SGCZ: variants seen among roughly 807,000 people sequenced by gnomAD.
SGCZ encodes the protein zeta-sarcoglycan.
In SGCZ, 40 loss-of-function variants were observed where a neutral mutation model predicts 41.3. That is an observed-to-expected ratio of 0.97 (90% confidence interval 0.75 to 1.26). The LOEUF is 1.26. Among genes scored for constraint, SGCZ ranks in the 50% most tolerant of loss-of-function variants. SGCZ has a pLI of 0.00. For missense variants in SGCZ, 552 were observed against 369.8 expected, an observed-to-expected ratio of 1.49 and a Z score of -4.04; for synonymous variants, 206 against 137.5, an observed-to-expected ratio of 1.50 and a Z score of -3.49.
intron 1 of SGCZ, among the ~76,000 whole-genome samples, chr8:14,614,476 C>A (rs992116372): frequency 1.3e-5 from 2 of 152,090 alleles, no homozygotes; most frequent in Non-Finnish European, 2.9e-5. Flanking sequence ...CTATTTATCT[C>A]TATATCATTT....
chr8:15,103,919 G>T (rs1413710136), intron 1 of SGCZ, among the ~76,000 whole-genome samples: 1 of 152,168 alleles, frequency 6.6e-6, no homozygotes, highest in South Asian at 2.1e-4. Context: ...ATGAAGTGTT[G>T]ATTAGTGGAA....
chr8:14,890,203 C>T (rs1430556247), intron 1 of SGCZ, among the ~76,000 whole-genome samples: 1 of 140,606 alleles, frequency 7.1e-6, no homozygotes. Flanking sequence ...GGCGACAGAA[C>T]AAGACTCCAT....
At chr8:14,349,739 A>G (rs1803019541) in intron 2 of SGCZ, among the ~76,000 whole-genome samples, 1 of 152,170 alleles carries the variant, frequency 6.6e-6, no homozygotes, top group Admixed American at 6.6e-5. Flanking sequence ...TGAAATTGTA[A>G]GACTTAATTC....
At chr8:14,606,702 A>C (rs564568250) in intron 1 of SGCZ, among the ~76,000 whole-genome samples, 7 of 152,342 alleles carry the variant, frequency 4.6e-5, no homozygotes, top group African/African-American at 1.4e-4. Flanking sequence ...TTTGTTCACC[A>C]CAGTACATGA....
At chr8:14,975,846 A>C (rs2130871520) in intron 1 of SGCZ, among the ~76,000 whole-genome samples, 1 of 145,646 alleles carries the variant, frequency 6.9e-6, no homozygotes, top group Non-Finnish European at 1.5e-5. Flanking sequence ...TGAACTACTT[A>C]TCAGGCTTTA....
intron 3 of SGCZ, among the ~76,000 whole-genome samples, chr8:14,246,250 T>C (rs1380150259): frequency 6.6e-6 from 1 of 152,124 alleles, no homozygotes; most frequent in Non-Finnish European, 1.5e-5. Flanking sequence ...ATAGACACCA[T>C]GGAATACTAT....
At chr8:14,339,935 A>G in intron 2 of SGCZ, among the ~76,000 whole-genome samples, 1 of 152,284 alleles carries the variant, frequency 6.6e-6, no homozygotes, top group South Asian at 2.1e-4. Flanking sequence ...AAAATATAAA[A>G]AATGAAATGA....
chr8:14,181,510 T>A (rs1236180228), intron 4 of SGCZ, among the ~76,000 whole-genome samples: 1 of 152,172 alleles, frequency 6.6e-6, no homozygotes, highest in Non-Finnish European at 1.5e-5. Context: ...GCGTTACCTG[T>A]TGATATGGTT....
chr8:14,646,379 A>AT (rs139807957), intron 1 of SGCZ, among the ~76,000 whole-genome samples: 12 of 151,752 alleles, frequency 7.9e-5, no homozygotes, highest in East Asian at 1.9e-4. Context: ...AATGGGTGTG[A>AT]TTTTTTTCTT....
At chr8:14,231,217 AAGAGAGAGAGAGAC>A (rs1313352136) in intron 4 of SGCZ, among the ~76,000 whole-genome samples, 1 of 73,140 alleles carries the variant, frequency 1.4e-5, no homozygotes, top group Non-Finnish European at 3.0e-5. Flanking sequence ...GAGAGGGGGA[AAGAGAGAGAGAGAC>A]AGAGAGAGAG....
At chr8:14,286,365 G>A (rs1437447784) in intron 3 of SGCZ, among the ~76,000 whole-genome samples, 1 of 152,046 alleles carries the variant, frequency 6.6e-6, no homozygotes, top group East Asian at 1.9e-4. Flanking sequence ...TTCATTCTCT[G>A]ACCTCCAATT....
intron 1 of SGCZ, among the ~76,000 whole-genome samples, chr8:15,187,187 G>C (rs929962765): frequency 6.6e-6 from 1 of 152,002 alleles, no homozygotes; most frequent in Admixed American, 6.6e-5. Flanking sequence ...GCCACTTATG[G>C]TAATTGTACA....
chr8:15,209,666 C>G (rs1801178914), intron 1 of SGCZ, among the ~76,000 whole-genome samples: 1 of 152,048 alleles, frequency 6.6e-6, no homozygotes, highest in South Asian at 2.1e-4. Flanking sequence ...TTGCTCAACA[C>G]CACATAGATA....
chr8:14,477,120 A>G (rs1190735872), intron 2 of SGCZ, among the ~76,000 whole-genome samples: 1 of 152,138 alleles, frequency 6.6e-6, no homozygotes, highest in African/African-American at 2.4e-5. Flanking sequence ...AATTCACTCT[A>G]TGTGTCTTTT....
At chr8:14,111,133 T>A (rs1802359220) in intron 5 of SGCZ, among the ~76,000 whole-genome samples, 1 of 152,124 alleles carries the variant, frequency 6.6e-6, no homozygotes. Context: ...ACCATGTAGA[T>A]TACTAGTAGG....
At chr8:14,594,212 A>C (rs1221803289) in intron 1 of SGCZ, among the ~76,000 whole-genome samples, 1 of 150,410 alleles carries the variant, frequency 6.6e-6, no homozygotes, top group Non-Finnish European at 1.5e-5. Context: ...AAATAAATAA[A>C]TAAATAAATA....
chr8:14,418,458 G>C (rs547271106), intron 2 of SGCZ, among the ~76,000 whole-genome samples: 1 of 152,026 alleles, frequency 6.6e-6, no homozygotes, highest in South Asian at 2.1e-4. Flanking sequence ...TATTTGTCTT[G>C]CTGTCAGGAA....
At chr8:15,068,008 G>T (rs1032919165) in intron 1 of SGCZ, among the ~76,000 whole-genome samples, 5 of 152,132 alleles carry the variant, frequency 3.3e-5, no homozygotes, top group African/African-American at 9.7e-5. Flanking sequence ...CATGCAAAAG[G>T]CCATGGTACA....
At chr8:14,683,411 G>C (rs192665074) in intron 1 of SGCZ, among the ~76,000 whole-genome samples, 1 of 151,924 alleles carries the variant, frequency 6.6e-6, no homozygotes, top group East Asian at 1.9e-4. Flanking sequence ...TTAAGAATTG[G>C]AAAAAACTAA....
Sources: gnomAD v4.1 joint callset for allele counts (sites outside exome capture counted in the v4.1 genomes callset) on GRCh38, gnomAD v4.1.1 for gene constraint, MANE v1.5 for transcripts, NCBI Gene and HGNC (gene_info 2026-07-23, HGNC 2026-07-21) for gene names.